Variants in CORIN observed in about 807,000 individuals in gnomAD.
The protein encoded by CORIN is atrial natriuretic peptide-converting enzyme.
In CORIN, 117 loss-of-function variants were observed where a neutral mutation model predicts 125.3. The ratio of observed to expected loss-of-function variants is 0.93; its 90% CI spans 0.80 to 1.09. The LOEUF is 1.09. CORIN is among the 50% of genes least tolerant of loss of function. CORIN has a pLI of 0.00. For synonymous variants in CORIN, 450 were observed against 466.4 expected, an observed-to-expected ratio of 0.96 and a Z score of 0.45; for missense variants, 1,253 against 1,306.7, an observed-to-expected ratio of 0.96 and a Z score of 0.63.
rs1352209380 is a variant in CORIN, at chr4:47,653,597, T to C, written c.1799A>G (p.Asp600Gly). 1 of 1,614,022 alleles carries C rather than the reference T, an allele frequency of 6.2e-7. No homozygotes were observed. The highest frequency in any genetic ancestry group is 8.5e-7 in the Non-Finnish European group (1 of 1,179,978). ...GTCATCGTCACAGTCGGCCTGGCCATCACATCTTCTGGAAGCCAGAACACA... is the reference window on the plus strand; with the variant it reads ...GTCATCGTCACAGTCGGCCTGGCCACCACATCTTCTGGAAGCCAGAACACA... ...GQCVLASRRC[D>G]GQADCDDDSD... The change falls in exon 13 of 22, where the codon GAT becomes GGT. Residue 600 changes from aspartate (D) to glycine (G), a missense_variant. Coordinates refer to ENST00000273857, the MANE Select transcript of CORIN (RefSeq NM_006587.4).
At chr4:47,719,812 C>T (rs16860630) in intron 5 of CORIN, among the ~76,000 whole-genome samples, 7,576 of 152,188 alleles carry the variant, frequency 0.05, 643 homozygotes, top group African/African-American at 0.17. Context: ...AGTCAGATCC[C>T]GTGGGGCCAC....
intron 5 of CORIN, among the ~76,000 whole-genome samples, chr4:47,709,892 TAAG>T (rs935851688): frequency 3.9e-5 from 6 of 152,212 alleles, no homozygotes; most frequent in African/African-American, 1.4e-4. Flanking sequence ...CTGGAGCTGT[TAAG>T]AATATTTTAG....
intron 5 of CORIN, chr4:47,706,873 A>T: frequency 6.3e-7 from 1 of 1,599,036 alleles, no homozygotes; most frequent in East Asian, 2.2e-5. Flanking sequence ...TGACATCTGC[A>T]GGCCGAAAGA....
intron 5 of CORIN, among the ~76,000 whole-genome samples, chr4:47,740,413 G>T (rs1728331827): frequency 2.0e-5 from 3 of 151,836 alleles, no homozygotes; most frequent in Admixed American, 1.3e-4. Flanking sequence ...AGTTCTGTCA[G>T]ATTTAAGTAT....
intron 19 of CORIN, among the ~76,000 whole-genome samples, chr4:47,623,096 C>CTCTCTCTCTCTA (rs771867590): frequency 0.011 from 1,113 of 102,116 alleles, 14 homozygotes; most frequent in Non-Finnish European, 0.014. Context: ...CTCTCTCTCT[C>CTCTCTCTCTCTA]TATATATATA....
chr4:47,837,582 G>A (rs1216309346), intron 1 of CORIN: 1 of 513,682 alleles, frequency 1.9e-6, no homozygotes, highest in East Asian at 3.6e-5. Flanking sequence ...CATCACCCCC[G>A]GCATGGAGAC....
chr4:47,656,376 G>A (rs1457142236), intron 12 of CORIN, among the ~76,000 whole-genome samples: 1 of 151,940 alleles, frequency 6.6e-6, no homozygotes, highest in Non-Finnish European at 1.5e-5. Flanking sequence ...GGCTGGTCTT[G>A]AACTCCCAAC....
intron 1 of CORIN, among the ~76,000 whole-genome samples, chr4:47,807,555 A>G (rs1044756812): frequency 3.3e-5 from 5 of 152,200 alleles, no homozygotes; most frequent in Non-Finnish European, 7.3e-5. Flanking sequence ...AGCCAGGCTC[A>G]CTGTTACTGA....
intron 8 of CORIN, 132 bp from the exon 9 acceptor site, chr4:47,678,186 CATT>C (rs1240746174): frequency 1.2e-5 from 8 of 669,322 alleles, no homozygotes; most frequent in Non-Finnish European, 2.1e-5. Flanking sequence ...ATGAACATAT[CATT>C]GATTTTATTT....
At chr4:47,672,439 G>T (rs1237179079) in intron 10 of CORIN, among the ~76,000 whole-genome samples, 2 of 152,104 alleles carry the variant, frequency 1.3e-5, no homozygotes, top group African/African-American at 4.8e-5. Flanking sequence ...GAGTCTAATA[G>T]TAAGTGTCAT....
intron 10 of CORIN, among the ~76,000 whole-genome samples, chr4:47,666,039 T>A (rs903630844): frequency 2.6e-5 from 4 of 152,218 alleles, no homozygotes; most frequent in African/African-American, 9.6e-5. Flanking sequence ...GTCATGGTTC[T>A]AGCTGCCAGG....
chr4:47,713,799 A>T (rs1455125545), intron 5 of CORIN, among the ~76,000 whole-genome samples: 1 of 152,092 alleles, frequency 6.6e-6, no homozygotes, highest in Non-Finnish European at 1.5e-5. Context: ...GTTTTTTTTT[A>T]AATAAAAGTG....
intron 16 of CORIN, among the ~76,000 whole-genome samples, chr4:47,641,508 TA>T (rs1723228304): frequency 1.3e-5 from 2 of 151,964 alleles, no homozygotes; most frequent in South Asian, 4.1e-4. Flanking sequence ...CTGCCTTACT[TA>T]GAGTAAACAG....
chr4:47,708,782 T>G (rs1300983568), intron 5 of CORIN, among the ~76,000 whole-genome samples: 1 of 152,172 alleles, frequency 6.6e-6, no homozygotes, highest in South Asian at 2.1e-4. Context: ...TCTGGTCTTA[T>G]TTCGCTCATT....
intron 1 of CORIN, among the ~76,000 whole-genome samples, chr4:47,810,156 G>T (rs1577942957): frequency 6.6e-6 from 1 of 150,706 alleles, no homozygotes; most frequent in Non-Finnish European, 1.5e-5. Context: ...TTTTGGTTTT[G>T]GTTTTGGGCT....
At chr4:47,832,585 C>A (rs1733103203) in intron 1 of CORIN, among the ~76,000 whole-genome samples, 1 of 151,750 alleles carries the variant, frequency 6.6e-6, no homozygotes, top group Non-Finnish European at 1.5e-5. Flanking sequence ...GCTGGGACTA[C>A]AGGCAGGTGC....
chr4:47,795,977 T>C (rs1348549217), intron 2 of CORIN, among the ~76,000 whole-genome samples: 1 of 152,080 alleles, frequency 6.6e-6, no homozygotes, highest in South Asian at 2.1e-4. Context: ...ATGTTGGTGA[T>C]AATGTGAAGA....
At chr4:47,747,338 G>C (rs1294159840) in intron 4 of CORIN, among the ~76,000 whole-genome samples, 1 of 151,916 alleles carries the variant, frequency 6.6e-6, no homozygotes, top group Non-Finnish European at 1.5e-5. Flanking sequence ...CTGGGGCAAT[G>C]GAATCTCTAA....
chr4:47,664,995 G>A, intron 11 of CORIN, 37 bp downstream of exon 11: 1 of 1,452,952 alleles, frequency 6.9e-7, no homozygotes. Flanking sequence ...TCTCTCTGAG[G>A]CAAAATAAGG....
Sources: gnomAD v4.1 joint callset for allele counts (sites outside exome capture counted in the v4.1 genomes callset) on GRCh38, gnomAD v4.1.1 for gene constraint, MANE v1.5 for transcripts, NCBI Gene and HGNC (gene_info 2026-07-23, HGNC 2026-07-21) for gene names.